STAG1: variants seen among roughly 807,000 people sequenced by gnomAD.
STAG1 encodes cohesin subunit SA-1.
A neutral mutation model predicts 170.9 loss-of-function variants in STAG1; 26 were observed. That is an observed-to-expected ratio of 0.15 (90% confidence interval 0.11 to 0.21). STAG1 has a LOEUF of 0.21. Ranked by LOEUF, STAG1 falls within the 10% of genes least tolerant of loss-of-function variation. The pLI, the probability that STAG1 is intolerant of heterozygous loss-of-function variation, is 1.00. For synonymous variants in STAG1, 514 were observed against 497.7 expected (o/e 1.03, Z -0.44); for missense variants, 964 against 1,509.5 (o/e 0.64, Z 5.99).
intron 22 of STAG1, among the ~76,000 whole-genome samples, chr3:136,385,608 G>A (rs2086852962): frequency 6.6e-6 from 1 of 152,162 alleles, no homozygotes; most frequent in East Asian, 1.9e-4. Flanking sequence ...TAGATCTAGT[G>A]AAACCGAGAA....
chr3:136,566,248 T>C (rs914307855), intron 5 of STAG1, among the ~76,000 whole-genome samples: 1 of 152,124 alleles, frequency 6.6e-6, no homozygotes, highest in Non-Finnish European at 1.5e-5. Context: ...ATGAGATTAG[T>C]GCCGTTATAA....
At chr3:136,490,956 T>C (rs1014219682) in intron 9 of STAG1, among the ~76,000 whole-genome samples, 1 of 152,230 alleles carries the variant, frequency 6.6e-6, no homozygotes, top group Non-Finnish European at 1.5e-5. Flanking sequence ...ATAACTGTCT[T>C]CATCTTTGAT....
intron 14 of STAG1, among the ~76,000 whole-genome samples, chr3:136,445,677 G>T (rs2088757863): frequency 2.0e-5 from 3 of 152,084 alleles, no homozygotes; most frequent in South Asian, 4.1e-4. Flanking sequence ...CTGTAGAATA[G>T]GTATATGAAG....
Position 136,341,317 on chromosome 3 carries a change from A to G in STAG1, c.3557+124T>C, listed in dbSNP as rs191130216. ...CTCACACCCTCCTTTCCTATGCTGC[A>G]TAGCATATCACGAATTATAATTTTA... On this transcript the variant is annotated intron_variant, in intron 31 of 33. Transcript: ENST00000383202. 69 of 653,324 alleles carry G rather than the reference A, an allele frequency of 1.1e-4. No homozygotes were observed. The East Asian group carries it at 1.5e-3, about 15-fold the overall frequency. The allele number at this position is 653,324 out of a possible 1,614,324, so 40.5% of individuals were successfully genotyped here.
chr3:136,382,917 A>C (rs1938056754), intron 22 of STAG1, among the ~76,000 whole-genome samples: 2 of 152,228 alleles, frequency 1.3e-5, no homozygotes, highest in Admixed American at 1.3e-4. Context: ...TACTTAACAA[A>C]GTTAGTTAAT....
chr3:136,661,623 CA>C (rs1322300695), intron 1 of STAG1, among the ~76,000 whole-genome samples: 1 of 151,738 alleles, frequency 6.6e-6, no homozygotes, highest in African/African-American at 2.4e-5. Context: ...CCCCCCCAAC[CA>C]AAAAAAATCC....
At chr3:136,499,825 T>C (rs930345918) in intron 9 of STAG1, 2 of 142,774 alleles carry the variant, frequency 1.4e-5, no homozygotes, top group African/African-American at 5.2e-5. Flanking sequence ...TTCACACAGG[T>C]TTTTTTTTTT....
At chr3:136,451,944 TTTA>T (rs1436638693) in intron 14 of STAG1, 86 bp downstream of exon 14, 1 of 844,408 alleles carries the variant, frequency 1.2e-6, no homozygotes, top group East Asian at 2.8e-5. Context: ...CAGACTTGTT[TTTA>T]TTTGATTGAA....
In STAG1 at chr3:136,477,426, A is replaced by C. The variant is rs1450135164; in HGVS notation, c.903-14T>G. The C allele has an allele frequency of 6.3e-7, 1 of 1,587,478 alleles. No homozygotes were observed. The highest frequency in any genetic ancestry group is 8.5e-7 in the Non-Finnish European group (1 of 1,171,314). ...GCAATAGCATCACTAGAGAGAGAAA[A>C]AAAAGACAATCTCAAATTAATATAC... On this transcript the variant is annotated splice_polypyrimidine_tract_variant and intron_variant, in intron 9 of 33. Coordinates refer to ENST00000383202, the MANE Select transcript of STAG1 (RefSeq NM_005862.3).
rs117129526 is a variant in STAG1, at chr3:136,611,543, C to T, written c.133-7070G>A. Reference sequence around the variant, plus strand: ...CACAGTCTTACTCTGTCACCCAGGCCGGAGTACAGTGGCACGATCACAGCT... The same window carrying T: ...CACAGTCTTACTCTGTCACCCAGGCTGGAGTACAGTGGCACGATCACAGCT... On this transcript the variant is annotated intron_variant, in intron 3 of 33. Coordinates refer to ENST00000383202, the MANE Select transcript of STAG1 (RefSeq NM_005862.3). Among the ~76,000 whole-genome samples the T allele has an allele frequency of 3.6e-3, 547 of 151,108 alleles. 12 individuals carry two copies. The East Asian group carries it at 0.065, about 18-fold the overall frequency.
intron 21 of STAG1, among the ~76,000 whole-genome samples, chr3:136,410,548 C>T (rs1004200218): frequency 9.2e-5 from 14 of 152,028 alleles, no homozygotes; most frequent in African/African-American, 2.7e-4. Flanking sequence ...TGAGTGGGTG[C>T]GCCACTGCTA....
chr3:136,731,225 C>A (rs1934021197), intron 1 of STAG1, among the ~76,000 whole-genome samples: 1 of 151,994 alleles, frequency 6.6e-6, no homozygotes, highest in Non-Finnish European at 1.5e-5. Context: ...GCATTCATTA[C>A]CCACTACAAA....
In STAG1 at chr3:136,367,130, G is replaced by A. The variant is rs766425723; in HGVS notation, c.2546-48C>T. 68 of 1,426,878 alleles carry A rather than the reference G, an allele frequency of 4.8e-5. No homozygotes were observed. The East Asian group carries it at 7.1e-4, about 15-fold the overall frequency. The allele number at this position is 1,426,878 out of a possible 1,614,324, so 88.4% of individuals were successfully genotyped here. ...TTATGAATTCTGGTACTTTATCCAC[G>A]TAAAACAATGCAGATAATCTGTATA... On this transcript the variant is annotated intron_variant, in intron 24 of 33. Coordinates refer to ENST00000383202, the MANE Select transcript of STAG1 (RefSeq NM_005862.3).
At chr3:136,492,007 A>C (rs914276994) in intron 9 of STAG1, among the ~76,000 whole-genome samples, 6 of 152,154 alleles carry the variant, frequency 3.9e-5, no homozygotes, top group Admixed American at 3.9e-4. Context: ...AAAACAAAAC[A>C]AAAAAACAAA....
At chr3:136,439,793 A>T (rs1414742054) in intron 15 of STAG1, among the ~76,000 whole-genome samples, 1 of 152,192 alleles carries the variant, frequency 6.6e-6, no homozygotes, top group Admixed American at 6.5e-5. Flanking sequence ...TGTTATGCCT[A>T]ATTTCTCAGA....
intron 6 of STAG1, among the ~76,000 whole-genome samples, chr3:136,522,510 C>G (rs1413885283): frequency 1.3e-5 from 2 of 150,842 alleles, no homozygotes; most frequent in Non-Finnish European, 3.0e-5. Flanking sequence ...CACAAAACCC[C>G]ACTATAGTAG....
At chr3:136,550,642 G>C (rs1244209239) in intron 5 of STAG1, among the ~76,000 whole-genome samples, 1 of 151,940 alleles carries the variant, frequency 6.6e-6, no homozygotes, top group Non-Finnish European at 1.5e-5. Flanking sequence ...AGTCTTGATA[G>C]GTTGTATGTT....
chr3:136,687,736 A>AT (rs1332242951), intron 1 of STAG1, among the ~76,000 whole-genome samples: 4 of 146,840 alleles, frequency 2.7e-5, no homozygotes, highest in East Asian at 2.0e-4. Context: ...AGAAGAGACC[A>AT]ATTTTTTTTT....
At chr3:136,520,744 T>C (rs902038227) in intron 7 of STAG1, among the ~76,000 whole-genome samples, 1 of 152,138 alleles carries the variant, frequency 6.6e-6, no homozygotes, top group Non-Finnish European at 1.5e-5. Context: ...TTTAAGTTAT[T>C]ATAGCACTAG....
Sources: gnomAD v4.1 joint callset for allele counts (sites outside exome capture counted in the v4.1 genomes callset) on GRCh38, gnomAD v4.1.1 for gene constraint, MANE v1.5 for transcripts, NCBI Gene and HGNC (gene_info 2026-07-23, HGNC 2026-07-21) for gene names.